The following FBXO31 variants were observed in gnomAD, a reference collection of about 807,000 sequenced individuals.
The protein encoded by FBXO31 is F-box protein 31, also known as F-box only protein 31.
Under a neutral mutation model 54.4 loss-of-function variants are expected in FBXO31, and 24 were observed. The ratio of observed to expected loss-of-function variants is 0.44; its 90% CI spans 0.32 to 0.62. The LOEUF (loss-of-function observed/expected upper bound fraction) is 0.62. FBXO31 is among the 20% of genes least tolerant of loss of function. The pLI is 0.05. For synonymous variants in FBXO31, 388 were observed against 335.6 expected, an observed-to-expected ratio of 1.16 and a Z score of -1.71; for missense variants, 665 against 787.1, an observed-to-expected ratio of 0.84 and a Z score of 1.86.
upstream of FBXO31, among the ~76,000 whole-genome samples, chr16:87,384,729 G>C (rs1163759418): frequency 2.0e-5 from 3 of 152,254 alleles, no homozygotes; most frequent in Admixed American, 2.0e-4. Context: ...GCGAGACCCT[G>C]TCTACAAAAC....
chr16:87,383,438 T>A lies in FBXO31; in HGVS notation c.307A>T (p.Thr103Ser). ...VCTKFRRILH[T>S]DTIWRRRCRE... ...CAACGCCTCCTCCAGATGGTGTCGGTGTGGAGGATGCGCCGGAACTTCGTG... is the reference window on the plus strand; with the variant it reads ...CAACGCCTCCTCCAGATGGTGTCGGAGTGGAGGATGCGCCGGAACTTCGTG... Residue 103 changes from threonine to serine, a missense_variant, in exon 1 of 9, where the codon ACC becomes TCC. By Grantham distance (58) the Thr-to-Ser change is moderately conservative (BLOSUM62 1). Coordinates refer to ENST00000311635, the MANE Select transcript of FBXO31 (RefSeq NM_024735.5). The surrounding 1 kb of genome is among the most constrained non-coding windows in gnomAD (Gnocchi z 4.9). 6.4e-7 allele frequency: 1 copy of A among 1,554,642 alleles called. No homozygotes were observed. Among genetic ancestry groups the A allele is most frequent in the South Asian group, 1.2e-5 (1 of 86,436 alleles).
intron 1 of FBXO31, among the ~76,000 whole-genome samples, chr16:87,374,440 G>A (rs1448555440): frequency 2.0e-5 from 3 of 152,076 alleles, no homozygotes; most frequent in Non-Finnish European, 4.4e-5. Flanking sequence ...TGATTTATTG[G>A]GTACTGCACT....
At chr16:87,350,112 G>C (rs752835013) in intron 2 of FBXO31, among the ~76,000 whole-genome samples, 1 of 152,076 alleles carries the variant, frequency 6.6e-6, no homozygotes, top group African/African-American at 2.4e-5. Context: ...GGACGAATGG[G>C]CAGGATCTCG....
rs1314391110 is a variant in FBXO31, at chr16:87,346,095, G to A, written c.489+1079C>T. 6.6e-6 allele frequency among the ~76,000 whole-genome samples: 1 copy of A among 152,220 alleles called. No individual in the cohort carries two copies. The highest frequency in any genetic ancestry group is 1.5e-5 in the Non-Finnish European group (1 of 68,034). On this transcript the variant is annotated intron_variant, in intron 3 of 8. Coordinates refer to ENST00000311635, the MANE Select transcript of FBXO31 (RefSeq NM_024735.5). The surrounding 1 kb of genome is among the most constrained non-coding windows in gnomAD (Gnocchi z 4.2). ...GAGAAAAGGAGGAATCAGGGCCTGG[G>A]GATAGAGTCACGGACGGCCTCCGGC...
In FBXO31 at chr16:87,383,442, G is replaced by A. The variant is rs1027381639; in HGVS notation, c.303C>T (p.Leu101=). 1.3e-6 allele frequency: 2 copies of A among 1,586,650 alleles called. No homozygotes were observed. ...GCCTCCTCCAGATGGTGTCGGTGTG[G>A]AGGATGCGCCGGAACTTCGTGCAGA... ...AQVCTKFRRI[L]HTDTIWRRRC... is the part of the protein sequence containing the mutation. Residue 101 remains leucine (L), a synonymous_variant, in exon 1 of 9, where the codon CTC becomes CTT. Transcript: ENST00000311635. The surrounding 1 kb of genome is among the most constrained non-coding windows in gnomAD (Gnocchi z 4.9).
At chr16:87,360,195 A>G in intron 2 of FBXO31, 100 bp downstream of exon 2, 3 of 1,156,658 alleles carry the variant, frequency 2.6e-6, no homozygotes. Context: ...CTGAGAAAAC[A>G]AAAGTGTGGA....
At chr16:87,347,380 C>T (rs1013105126) in intron 2 of FBXO31, 130 bp from the exon 3 acceptor site, 4 of 757,080 alleles carry the variant, frequency 5.3e-6, no homozygotes, top group African/African-American at 5.2e-5. Flanking sequence ...CAAACACATG[C>T]ACACCAAGCC....
intron 2 of FBXO31, among the ~76,000 whole-genome samples, chr16:87,355,528 A>G (rs1195448212): frequency 6.6e-6 from 1 of 152,248 alleles, no homozygotes; most frequent in Non-Finnish European, 1.5e-5. Flanking sequence ...AAATTTGTCC[A>G]AAGAGAAATG....
At chr16:87,357,408 C>A (rs1476047870) in intron 2 of FBXO31, among the ~76,000 whole-genome samples, 1 of 149,978 alleles carries the variant, frequency 6.7e-6, no homozygotes, top group African/African-American at 2.5e-5. Context: ...CGGCTCACTG[C>A]AACCTTCACC....
intron 5 of FBXO31, among the ~76,000 whole-genome samples, chr16:87,340,466 T>A (rs1905157391): frequency 6.6e-6 from 1 of 152,200 alleles, no homozygotes. Flanking sequence ...AGATAACAGA[T>A]CAGGTCTGCA....
intron 2 of FBXO31, among the ~76,000 whole-genome samples, chr16:87,355,840 G>A (rs1327514742): frequency 2.0e-5 from 3 of 152,156 alleles, no homozygotes; most frequent in African/African-American, 7.2e-5. Flanking sequence ...CCTGCCCCCA[G>A]TGCAACTCTG....
rs773512906 is a variant in FBXO31, at chr16:87,331,438, G to A, written c.1470C>T (p.Leu490=). ...SPERTPGVFI[L]FDEDRFGFVW... ...CGAACCCGAAGCGGTCCTCATCGAAGAGGATGAAGACCCCGGGGGTGCGTT... is the reference window on the plus strand; with the variant it reads ...CGAACCCGAAGCGGTCCTCATCGAAAAGGATGAAGACCCCGGGGGTGCGTT... The change falls in exon 9 of 9, where the codon CTC becomes CTT. Residue 490 remains leucine, a synonymous_variant. Coordinates refer to ENST00000311635, the MANE Select transcript of FBXO31 (RefSeq NM_024735.5). 2 of 1,613,792 alleles carry A rather than the reference G, an allele frequency of 1.2e-6. No individual in the cohort carries two copies. The highest frequency in any genetic ancestry group is 1.1e-5 in the South Asian group (1 of 91,058).
chr16:87,383,602 G>A lies in FBXO31; in HGVS notation c.143C>T (p.Ala48Val), dbSNP rs1307187418. ...DPEEERIEAS[A>V]GVGGGLCAGP... is the part of the protein sequence containing the mutation. ...CGCGCACAAGCCGCCCCCGACCCCG[G>A]CGCTAGCCTCGATGCGCTCCTCCTC... The change falls in exon 1 of 9, where the codon GCC (alanine) becomes GTC (valine). Residue 48 changes from alanine (A) to valine (V), a missense_variant. Ala to Val is a moderately conservative substitution (Grantham distance 64). This residue lies in a region of FBXO31 where 195 missense variants were observed against 174.8 expected (regional missense o/e 1.12). Coordinates refer to ENST00000311635, the MANE Select transcript of FBXO31 (RefSeq NM_024735.5). The surrounding 1 kb of genome is among the most constrained non-coding windows in gnomAD (Gnocchi z 4.9). 4.1e-6 allele frequency: 6 copies of A among 1,472,018 alleles called. No individual in the cohort carries two copies. The highest frequency in any genetic ancestry group is 5.4e-6 in the Non-Finnish European group (6 of 1,117,256). 91.2% of individuals were successfully genotyped at this position (1,472,018 alleles called of 1,614,324 possible).
chr16:87,379,475 T>C (rs944110513), intron 1 of FBXO31, among the ~76,000 whole-genome samples: 7 of 152,200 alleles, frequency 4.6e-5, no homozygotes, highest in Admixed American at 3.9e-4. Flanking sequence ...TGATGTTCCC[T>C]GAAAGGGGAA....
At chr16:87,365,583 G>A (rs1302751937) in intron 1 of FBXO31, among the ~76,000 whole-genome samples, 1 of 152,236 alleles carries the variant, frequency 6.6e-6, no homozygotes, top group African/African-American at 2.4e-5. Flanking sequence ...GGGATGGCTG[G>A]AGGAGCCCTG....
chr16:87,334,133 C>T lies in FBXO31; in HGVS notation c.1150G>A (p.Gly384Ser). Residue 384 changes from glycine (G) to serine (S), a missense_variant, in exon 8 of 9, where the codon GGC (glycine) becomes AGC (serine). Gly to Ser is a moderately conservative substitution (Grantham distance 56, BLOSUM62 0). Coordinates refer to ENST00000311635, the MANE Select transcript of FBXO31 (RefSeq NM_024735.5). ...RERVRQEQQE[G>S]GHEAGEGRGR... ...CGACCCTCGCCCGCCTCGTGCCCGC[C>T]TTCCTGCTGCTCCTGGCGCACCCTC... 1 of 1,611,902 alleles carries T rather than the reference C, an allele frequency of 6.2e-7. No homozygotes were observed. Among genetic ancestry groups the T allele is most frequent in the Non-Finnish European group, 8.5e-7 (1 of 1,179,242 alleles).
chr16:87,383,272 A>T lies in FBXO31; in HGVS notation c.340+133T>A. 1.2e-6 allele frequency: 1 copy of T among 840,884 alleles called. No homozygotes were observed. Among genetic ancestry groups the T allele is most frequent in the Non-Finnish European group, 1.7e-6 (1 of 585,744 alleles). The allele number at this position is 840,884 out of a possible 1,614,324, so 52.1% of individuals were successfully genotyped here. A position where few individuals can be genotyped will look rare whatever the true frequency, so the allele number is the denominator to read the frequency against. Reference sequence around the variant, plus strand: ...GCCGCTCCCCACCCACACCCAAAACACCACATCGCCGGGCCCCGCGCCCAA... The same window carrying T: ...GCCGCTCCCCACCCACACCCAAAACTCCACATCGCCGGGCCCCGCGCCCAA... On this transcript the variant is annotated intron_variant, in intron 1 of 8. Coordinates refer to ENST00000311635, the MANE Select transcript of FBXO31 (RefSeq NM_024735.5). This position sits in a 1 kb window ranked among gnomAD's most constrained non-coding sequence, Gnocchi z 4.9.
In FBXO31 at chr16:87,329,015, G is replaced by A. The variant is rs1904746859; in HGVS notation, c.*2273C>T. 6.6e-6 allele frequency: 1 copy of A among 152,270 alleles called. No homozygotes were observed. The highest frequency in any genetic ancestry group is 2.4e-5 in the African/African-American group (1 of 41,464). 9.4% of individuals were successfully genotyped at this position (152,270 alleles called of 1,614,324 possible). ...AGAGGGTGGATGCCCTCCCCCGGAA[G>A]GGAAGCTGCTGTTTTGAGGCGCGCA... On this transcript the variant is annotated 3_prime_UTR_variant, in exon 9 of 9. Coordinates refer to ENST00000311635, the MANE Select transcript of FBXO31 (RefSeq NM_024735.5).
chr16:87,391,815 C>T (rs1234983649), upstream of FBXO31: 1 of 152,312 alleles, frequency 6.6e-6, no homozygotes, highest in Admixed American at 6.5e-5. Context: ...CGAGCGGCGA[C>T]CCTGCCTCCC....
Sources: allele counts gnomAD v4.1 joint callset (sites outside exome capture counted in the v4.1 genomes callset), GRCh38; gene constraint gnomAD v4.1.1; regional missense constraint gnomAD v4.1.1; non-coding constraint Gnocchi (gnomAD v3.1); transcripts MANE v1.5; gene names NCBI Gene and HGNC (gene_info 2026-07-23, HGNC 2026-07-21).